B3GNT4: variants seen among roughly 807,000 people sequenced by gnomAD.
B3GNT4 encodes the protein UDP-GlcNAc:betaGal beta-1,3-N-acetylglucosaminyltransferase 4, also known as N-acetyllactosaminide beta-1,3-N-acetylglucosaminyltransferase 4.
B3GNT4 carries 2 observed loss-of-function variants against 2.7 expected under a neutral mutation model. The ratio of observed to expected loss-of-function variants is 0.73; its 90% CI spans 0.30 to 2.31. The LOEUF is 2.31. Among genes scored for constraint, B3GNT4 ranks in the 30% most tolerant of loss-of-function variants. B3GNT4 has a pLI of 0.12. For synonymous variants in B3GNT4, 280 were observed against 203.4 expected, an observed-to-expected ratio of 1.38 and a Z score of -3.20; for missense variants, 708 against 490.9, an observed-to-expected ratio of 1.44 and a Z score of -4.18.
At chr12:122,204,710 A>G (rs1047930584) in intron 2 of B3GNT4, 26 bp downstream of exon 2, 1 of 1,580,710 alleles carries the variant, frequency 6.3e-7, no homozygotes, top group Non-Finnish European at 8.7e-7. Context: ...CGCCTCTGCC[A>G]GACCCCCTTG....
chr12:122,204,732 C>G (rs201631024), intron 2 of B3GNT4, 48 bp downstream of exon 2: 6 of 1,485,422 alleles, frequency 4.0e-6, no homozygotes, highest in Non-Finnish European at 5.6e-6. Context: ...CCCCCACCCC[C>G]GCATAGATCT....
chr12:122,206,176 G>T, intron 2 of B3GNT4, 142 bp from the exon 3 acceptor site: 1 of 657,412 alleles, frequency 1.5e-6, no homozygotes, highest in South Asian at 2.3e-5. Context: ...GAGGACTCTG[G>T]AAAGAGCCTG....
Position 122,206,958 on chromosome 12 carries a change from A to AC in B3GNT4, c.710dup (p.Ala238SerfsTer20). The AC allele has an allele frequency of 6.2e-7, 1 of 1,612,890 alleles. No homozygotes were observed. The highest frequency in any genetic ancestry group is 8.5e-7 in the Non-Finnish European group (1 of 1,178,992). On this transcript the variant is annotated frameshift_variant, in exon 3 of 3. Transcript: ENST00000324189. LOFTEE classifies it low-confidence loss of function (END_TRUNC). ...GTGTTAGAGTTCCTGGATGGCTGGG[A>AC]CCCAGCCCAGGACCTCCTGGTGGGA...
chr12:122,206,848 C>G lies in B3GNT4; in HGVS notation c.597C>G (p.His199Gln). 2 of 1,613,748 alleles carry G rather than the reference C, an allele frequency of 1.2e-6. No homozygotes were observed. The highest frequency in any genetic ancestry group is 8.5e-7 in the Non-Finnish European group (1 of 1,179,946). ...TCAACCTGACGCTCAAGGAGCTGCACCTGCAGCGCTGGGTGGTGGCTGCCT... is the reference window on the plus strand; with the variant it reads ...TCAACCTGACGCTCAAGGAGCTGCAGCTGCAGCGCTGGGTGGTGGCTGCCT... The part of the protein sequence containing the change: ...DFFNLTLKEL[H>Q]LQRWVVAACP... Residue 199 changes from histidine to glutamine, a missense_variant, in exon 3 of 3, where the codon CAC becomes CAG. Transcript: ENST00000324189.
chr12:122,204,750 G>A (rs981718654), intron 2 of B3GNT4, 66 bp downstream of exon 2: 4 of 1,411,848 alleles, frequency 2.8e-6, no homozygotes, highest in Non-Finnish European at 3.9e-6. Context: ...TCTCCAGGGG[G>A]CTCAGAAAAC....
Position 122,204,564 on chromosome 12 carries a change from CG to C in B3GNT4, c.-54del. The C allele has an allele frequency of 7.3e-7, 1 of 1,370,588 alleles. No homozygotes were observed. The highest frequency in any genetic ancestry group is 1.0e-6 in the Non-Finnish European group (1 of 982,142). The allele number at this position is 1,370,588 out of a possible 1,614,324, so 84.9% of individuals were successfully genotyped here. On this transcript the variant is annotated 5_prime_UTR_variant, in exon 2 of 3. Transcript: ENST00000324189. Reference sequence around the variant, plus strand: ...CCTGAGACTCATCTCGCTTCGACCCCGCCGCCGCCGCCGCCCGGCATCCTGA... The same window carrying C: ...CCTGAGACTCATCTCGCTTCGACCCCCCGCCGCCGCCGCCCGGCATCCTGA...
Position 122,204,526 on chromosome 12 carries a change from C to T in B3GNT4, c.-93C>T, listed in dbSNP as rs573144180. 48 of 1,095,972 alleles carry T rather than the reference C, an allele frequency of 4.4e-5. No individual in the cohort carries two copies. In the Admixed American group the frequency reaches 6.0e-4, roughly 14 times the overall value. 67.9% of individuals were successfully genotyped at this position (1,095,972 alleles called of 1,614,324 possible). ...GCCCGGGCCTCTCGTCCACAGCCCG[C>T]GGTGCTCGCACACCTGAGACTCATC... On this transcript the variant is annotated 5_prime_UTR_variant, in exon 2 of 3. Coordinates refer to ENST00000324189, the MANE Select transcript of B3GNT4 (RefSeq NM_030765.4).
chr12:122,206,236 TG>T, intron 2 of B3GNT4, 81 bp from the exon 3 acceptor site: 1 of 1,152,042 alleles, frequency 8.7e-7, no homozygotes, highest in Non-Finnish European at 1.2e-6. Context: ...ACTTAGCGGC[TG>T]GGGTGCAGGT....
chr12:122,204,642 A>G lies in B3GNT4; in HGVS notation c.24A>G (p.Ala8=). 1 of 1,611,966 alleles carries G rather than the reference A, an allele frequency of 6.2e-7. No homozygotes were observed. Among genetic ancestry groups the G allele is most frequent in the Non-Finnish European group, 8.5e-7 (1 of 1,178,182 alleles). Residue 8 remains alanine, a synonymous_variant, in exon 2 of 3, where the codon GCA becomes GCG. Coordinates refer to ENST00000324189, the MANE Select transcript of B3GNT4 (RefSeq NM_030765.4). MLPPQPS[A]AHQGRGGRSG... is the part of the protein sequence containing the mutation. ...TCATGCTTCCTCCCCAGCCTTCCGC[A>G]GCCCACCAGGGAAGGGGCGGTAGGA... is the stretch of plus-strand genomic sequence containing the variant.
intron 2 of B3GNT4, chr12:122,204,979 A>G (rs917479531): frequency 4.8e-6 from 2 of 418,014 alleles, no homozygotes; most frequent in African/African-American, 2.0e-5. Flanking sequence ...GCAGTGAGCT[A>G]TAATTGTGCC....
chr12:122,208,059 GCA>G lies in B3GNT4; in HGVS notation c.*672_*673del. 1 of 573,438 alleles carries G rather than the reference GCA, an allele frequency of 1.7e-6. No individual in the cohort carries two copies. Among genetic ancestry groups the G allele is most frequent in the Non-Finnish European group, 3.3e-6 (1 of 304,724 alleles). The allele number at this position is 573,438 out of a possible 1,614,324, so 35.5% of individuals were successfully genotyped here. ...GGTTAAACAGTTGCTGAACTTAAGG[GCA>G]TGACAAAAAGGACTCCTCTCTCTGA... is the stretch of plus-strand genomic sequence containing the variant. On this transcript the variant is annotated 3_prime_UTR_variant, in exon 3 of 3. Coordinates refer to ENST00000324189, the MANE Select transcript of B3GNT4 (RefSeq NM_030765.4).
chr12:122,206,765 G>A lies in B3GNT4; in HGVS notation c.514G>A (p.Ala172Thr), dbSNP rs376862803. 9 of 1,606,596 alleles carry A rather than the reference G, an allele frequency of 5.6e-6. No individual in the cohort carries two copies. Among genetic ancestry groups the A allele is most frequent in the Non-Finnish European group, 7.7e-6 (9 of 1,175,968 alleles). ...ATCCGCTCCCCCAGCCCAGCTGCTG[G>A]CCTATGAGAGTAGGGAGTTTGATGA... ...AGSAPPAQLL[A>T]YESREFDDIL... The change falls in exon 3 of 3, where the codon GCC becomes ACC. Residue 172 changes from alanine (A) to threonine (T), a missense_variant. Ala to Thr is a moderately conservative substitution (Grantham distance 58). Coordinates refer to ENST00000324189, the MANE Select transcript of B3GNT4 (RefSeq NM_030765.4).
Position 122,204,562 on chromosome 12 carries a change from C to CCCGCCGCCG in B3GNT4, c.-48_-40dup, listed in dbSNP as rs374677108. 68 of 1,437,038 alleles carry CCCGCCGCCG rather than the reference C, an allele frequency of 4.7e-5. No homozygotes were observed. Among genetic ancestry groups the CCCGCCGCCG allele is most frequent in the South Asian group, 3.2e-4 (28 of 86,764 alleles). 89.0% of individuals were successfully genotyped at this position (1,437,038 alleles called of 1,614,324 possible). A position where few individuals can be genotyped will look rare whatever the true frequency, so the allele number is the denominator to read the frequency against. ...CACCTGAGACTCATCTCGCTTCGAC[C>CCCGCCGCCG]CCGCCGCCGCCGCCGCCCGGCATCC... is the stretch of plus-strand genomic sequence containing the variant. On this transcript the variant is annotated 5_prime_UTR_variant, in exon 2 of 3. Transcript: ENST00000324189.
At position 122,207,172 on chromosome 12, in the gene B3GNT4, T is replaced by TG; in HGVS notation, c.922dup (p.Val308GlyfsTer36). On this transcript the variant is annotated frameshift_variant, in exon 3 of 3. Coordinates refer to ENST00000324189, the MANE Select transcript of B3GNT4 (RefSeq NM_030765.4). LOFTEE classifies it low-confidence loss of function (END_TRUNC). ...AACTCTTCCCCATTGATGATGTCTT[T>TG]GTGGGTATGTGCCTGAGGCGGCTGG... 6.2e-7 allele frequency: 1 copy of TG among 1,614,046 alleles called. No homozygotes were observed. Among genetic ancestry groups the TG allele is most frequent in the African/African-American group, 1.3e-5 (1 of 75,048 alleles).
rs781232010 is a variant in B3GNT4, at chr12:122,204,595, G to C, written c.-24G>C. On this transcript the variant is annotated 5_prime_UTR_variant, in exon 2 of 3. Transcript: ENST00000324189. ...CGCCGCCGCCCGGCATCCTGAGCAC[G>C]GAGACAGTCTCCAGCTGCCGTTCAT... 3.8e-6 allele frequency: 6 copies of C among 1,597,558 alleles called. No homozygotes were observed. The highest frequency in any genetic ancestry group is 1.3e-5 in the African/African-American group (1 of 74,650).
chr12:122,206,487 A>C lies in B3GNT4; in HGVS notation c.236A>C (p.Asn79Thr), dbSNP rs1370849165. 1.2e-6 allele frequency: 2 copies of C among 1,614,074 alleles called. No individual in the cohort carries two copies. The highest frequency in any genetic ancestry group is 1.7e-6 in the Non-Finnish European group (2 of 1,179,984). ...PTPRHSRCPP[N>T]HTVSSASLSL... ...CCCCGTCACAGCCGGTGTCCACCCA[A>C]CCACACAGTGTCTAGCGCCTCTCTG... The change falls in exon 3 of 3, where the codon AAC becomes ACC. Residue 79 changes from asparagine to threonine, a missense_variant. Physicochemically the swap from Asn to Thr is moderately conservative, Grantham distance 65 (BLOSUM62 0). Transcript: ENST00000324189.
chr12:122,204,431 G>T, intron 1 of B3GNT4, 91 bp from the exon 2 acceptor site: 1 of 607,048 alleles, frequency 1.6e-6, no homozygotes, highest in East Asian at 3.3e-5. Flanking sequence ...GCGCAGCCTG[G>T]GCTGAAACCT....
chr12:122,204,564 C>G lies in B3GNT4; in HGVS notation c.-55C>G, dbSNP rs1444378488. On this transcript the variant is annotated 5_prime_UTR_variant, in exon 2 of 3. Transcript: ENST00000324189. The stretch of plus-strand genomic sequence containing the variant: ...CCTGAGACTCATCTCGCTTCGACCC[C>G]GCCGCCGCCGCCGCCCGGCATCCTG... 7.3e-7 allele frequency: 1 copy of G among 1,370,592 alleles called. No homozygotes were observed. Among genetic ancestry groups the G allele is most frequent in the Non-Finnish European group, 1.0e-6 (1 of 982,146 alleles). 84.9% of individuals were successfully genotyped at this position (1,370,592 alleles called of 1,614,324 possible).
At position 122,207,161 on chromosome 12, in the gene B3GNT4, G is replaced by A. The variant is rs754320135; in HGVS notation, c.910G>A (p.Asp304Asn). The part of the protein sequence containing the change: ...IMEDAELFPI[D>N]DVFVGMCLRR... ...GGAAGATGCTGAACTCTTCCCCATT[G>A]ATGATGTCTTTGTGGGTATGTGCCT... Residue 304 changes from aspartate (D) to asparagine (N), a missense_variant, in exon 3 of 3, where the codon GAT (aspartate) becomes AAT (asparagine). Coordinates refer to ENST00000324189, the MANE Select transcript of B3GNT4 (RefSeq NM_030765.4). 19 of 1,613,718 alleles carry A rather than the reference G, an allele frequency of 1.2e-5. No individual in the cohort carries two copies. In the African/African-American group the frequency reaches 1.5e-4, roughly 12 times the overall value.
Sources: allele counts gnomAD v4.1 joint callset, GRCh38; gene constraint gnomAD v4.1.1; transcripts MANE v1.5; gene names NCBI Gene and HGNC (gene_info 2026-07-23, HGNC 2026-07-21).